RIMS1: variants seen among roughly 807,000 people sequenced by gnomAD.
RIMS1 encodes regulating synaptic membrane exocytosis 1, also known as regulating synaptic membrane exocytosis protein 1.
A neutral mutation model predicts 214.1 loss-of-function variants in RIMS1; 83 were observed. The ratio of observed to expected loss-of-function variants is 0.39; its 90% CI spans 0.32 to 0.47. RIMS1 has a LOEUF of 0.47. RIMS1 is among the 20% of genes least tolerant of loss of function. The pLI is 0.99. For missense variants in RIMS1, 2,050 were observed against 2,161.8 expected (o/e 0.95, Z 1.03); for synonymous variants, 793 against 786.8 (o/e 1.01, Z -0.13).
intron 4 of RIMS1, among the ~76,000 whole-genome samples, chr6:72,161,484 T>C (rs1412571862): frequency 7.1e-6 from 1 of 140,506 alleles, no homozygotes. Context: ...GATGTTAGGG[T>C]GTCAATTTTA....
At chr6:72,398,667 A>G (rs967186961) in intron 32 of RIMS1, among the ~76,000 whole-genome samples, 2 of 152,162 alleles carry the variant, frequency 1.3e-5, no homozygotes, top group Non-Finnish European at 2.9e-5. Context: ...TTCTAATCAT[A>G]AAAAGGTAAC....
At chr6:72,337,573 CT>C (rs1248003723) in intron 29 of RIMS1, among the ~76,000 whole-genome samples, 2 of 151,250 alleles carry the variant, frequency 1.3e-5, no homozygotes, top group East Asian at 3.9e-4. Context: ...CCATTTTTTT[CT>C]TTTTTATTTC....
At chr6:72,378,010 G>A (rs559468725) in intron 29 of RIMS1, among the ~76,000 whole-genome samples, 1 of 152,134 alleles carries the variant, frequency 6.6e-6, no homozygotes, top group East Asian at 1.9e-4. Flanking sequence ...AAAATCATAA[G>A]CACTCAAGAA....
rs189134567 is a variant in RIMS1 at position 71,937,188 on chromosome 6, C to T, written c.165-31795C>T. Among the ~76,000 whole-genome samples, 170 of 152,282 alleles carry T rather than the reference C, an allele frequency of 1.1e-3. 1 individual carries two copies. The highest frequency in any genetic ancestry group is 2.0e-3 in the Non-Finnish European group (138 of 68,032). ...ATTTTCTGCTGTTATGCCAGATTGC[C>T]ACAGAATAGGTAATTTATAAAGAAT... On this transcript the variant is annotated intron_variant, in intron 1 of 33. Coordinates refer to ENST00000521978, the MANE Select transcript of RIMS1 (RefSeq NM_014989.7).
At chr6:72,037,181 G>A (rs1585362350) in intron 2 of RIMS1, among the ~76,000 whole-genome samples, 2 of 151,978 alleles carry the variant, frequency 1.3e-5, no homozygotes, top group African/African-American at 4.8e-5. Context: ...TTTGGCATGT[G>A]GCTGAGGTGA....
intron 2 of RIMS1, among the ~76,000 whole-genome samples, chr6:72,001,674 A>T (rs902746770): frequency 1.6e-4 from 25 of 152,188 alleles, no homozygotes; most frequent in Non-Finnish European, 2.9e-4. Context: ...AACTTTGACT[A>T]ATCTAATACT....
At chr6:71,955,672 T>C (rs980040291) in intron 1 of RIMS1, among the ~76,000 whole-genome samples, 2 of 152,198 alleles carry the variant, frequency 1.3e-5, no homozygotes, top group African/African-American at 4.8e-5. Context: ...TTATATGTAA[T>C]GTATATTTAA....
intron 11 of RIMS1, among the ~76,000 whole-genome samples, chr6:72,247,087 A>G (rs2070298041): frequency 6.6e-6 from 1 of 152,128 alleles, no homozygotes; most frequent in Admixed American, 6.5e-5. Context: ...TCAAGGTTGT[A>G]CTTGCTGGAT....
intron 1 of RIMS1, among the ~76,000 whole-genome samples, chr6:71,900,564 CT>C (rs985909260): frequency 6.6e-6 from 1 of 152,016 alleles, no homozygotes; most frequent in African/African-American, 2.4e-5. Context: ...GAAGCAGAAA[CT>C]TTGGTGGTGA....
intron 1 of RIMS1, among the ~76,000 whole-genome samples, chr6:71,960,655 T>A (rs192832548): frequency 6.6e-6 from 1 of 152,276 alleles, no homozygotes; most frequent in Non-Finnish European, 1.5e-5. Context: ...ATGTCCTCTC[T>A]AATTACTGTA....
intron 5 of RIMS1, among the ~76,000 whole-genome samples, chr6:72,181,868 C>T (rs982399653): frequency 3.3e-5 from 5 of 152,188 alleles, no homozygotes; most frequent in South Asian, 2.1e-4. Flanking sequence ...GAATCAGAGA[C>T]ACTGGAGAAC....
chr6:72,100,655 TTTTATACA>T (rs148591962), intron 4 of RIMS1, among the ~76,000 whole-genome samples: 3 of 54,376 alleles, frequency 5.5e-5, no homozygotes, highest in African/African-American at 8.3e-5. Context: ...TTGGTGTAAA[TTTTATACA>T]TACTATACAC....
intron 19 of RIMS1, chr6:72,261,958 G>C (rs1334747332): frequency 5.1e-6 from 5 of 984,284 alleles, no homozygotes; most frequent in Middle Eastern, 5.2e-4. Flanking sequence ...ACTTGTTCTT[G>C]ACAAACAGTT....
At chr6:72,130,630 T>G (rs1357348837) in intron 4 of RIMS1, among the ~76,000 whole-genome samples, 1 of 152,158 alleles carries the variant, frequency 6.6e-6, no homozygotes. Context: ...GTCCTTTTAT[T>G]GTTTTAGTTA....
intron 2 of RIMS1, 69 bp downstream of exon 2, chr6:71,969,132 T>A: frequency 1.4e-6 from 2 of 1,436,664 alleles, no homozygotes; most frequent in South Asian, 2.3e-5. Context: ...ACAGATTTAT[T>A]CACATTGCAT....
chr6:71,936,613 C>T (rs1456139918), intron 1 of RIMS1, among the ~76,000 whole-genome samples: 7 of 152,148 alleles, frequency 4.6e-5, no homozygotes, highest in African/African-American at 1.7e-4. Flanking sequence ...GGAACATGCC[C>T]TAGATTTTTG....
chr6:72,400,391 C>T, intron 33 of RIMS1, 105 bp from the exon 34 acceptor site: 2 of 864,602 alleles, frequency 2.3e-6, no homozygotes, highest in Admixed American at 3.9e-5. Context: ...TATTCTTTTC[C>T]TCTGCTTCAC....
intron 2 of RIMS1, among the ~76,000 whole-genome samples, chr6:72,054,090 C>A (rs1028404702): frequency 9.2e-5 from 14 of 152,018 alleles, no homozygotes; most frequent in Admixed American, 5.2e-4. Flanking sequence ...CACCACCCCC[C>A]AAACTGGCCC....
chr6:72,065,872 G>A (rs1251301258), intron 2 of RIMS1, among the ~76,000 whole-genome samples: 1 of 149,888 alleles, frequency 6.7e-6, no homozygotes, highest in East Asian at 1.9e-4. Flanking sequence ...ATAATCGCTT[G>A]CAGAATAGAA....
Sources: gnomAD v4.1 joint callset for allele counts (sites outside exome capture counted in the v4.1 genomes callset) on GRCh38, gnomAD v4.1.1 for gene constraint, MANE v1.5 for transcripts, NCBI Gene and HGNC (gene_info 2026-07-23, HGNC 2026-07-21) for gene names.